The following ANO10 variants were observed in gnomAD, a reference collection of about 807,000 sequenced individuals.
The protein encoded by ANO10 is anoctamin-10.
A neutral mutation model predicts 74.7 loss-of-function variants in ANO10; 77 were observed. The ratio of observed to expected loss-of-function variants is 1.03; its 90% CI spans 0.86 to 1.25. The LOEUF (loss-of-function observed/expected upper bound fraction) is 1.25, where lower values mean the gene tolerates loss of function less well. ANO10 is among the 50% of genes most tolerant of loss of function. ANO10 has a pLI of 0.00. For missense variants in ANO10, 721 were observed against 778.1 expected (o/e 0.93, Z 0.87); for synonymous variants, 279 against 284.9 (o/e 0.98, Z 0.21).
At chr3:43,395,067 G>A (rs2092352330) in intron 12 of ANO10, among the ~76,000 whole-genome samples, 1 of 152,112 alleles carries the variant, frequency 6.6e-6, no homozygotes, top group Non-Finnish European at 1.5e-5. Flanking sequence ...GAGGTGAGAG[G>A]GAAGAGGGTG....
intron 1 of ANO10, among the ~76,000 whole-genome samples, chr3:43,621,391 G>A (rs139366268): frequency 1.4e-4 from 22 of 152,238 alleles, no homozygotes; most frequent in African/African-American, 5.3e-4. Flanking sequence ...TATCCTGCAA[G>A]CCCGCTCCGG....
intron 6 of ANO10, among the ~76,000 whole-genome samples, chr3:43,575,701 G>A (rs1271744159): frequency 6.6e-6 from 1 of 151,878 alleles, no homozygotes; most frequent in Non-Finnish European, 1.5e-5. Context: ...GCAGTGGCAC[G>A]ATCTCGGCTC....
rs1575515472 is a variant in ANO10, at chr3:43,597,726, C to A, written c.472+806G>T. ...TGTATACATATGTAACAAACTGGCA[C>A]ATTGTGCACATGTACCCTAGAACTT... is the stretch of plus-strand genomic sequence containing the variant. On this transcript the variant is annotated intron_variant, in intron 4 of 12. Coordinates refer to ENST00000292246, the MANE Select transcript of ANO10 (RefSeq NM_018075.5). Among the ~76,000 whole-genome samples the A allele has an allele frequency of 4.6e-5, 7 of 152,132 alleles. No individual in the cohort carries two copies. The South Asian group carries it at 1.0e-3, about 23-fold the overall frequency.
At chr3:43,424,402 T>TG (rs1349122313) in intron 12 of ANO10, 1 of 152,258 alleles carries the variant, frequency 6.6e-6, no homozygotes, top group African/African-American at 2.4e-5. Flanking sequence ...ACTCCTTTCT[T>TG]GCCTGGGAGC....
chr3:43,631,750 G>T (rs904720916), intron 1 of ANO10, among the ~76,000 whole-genome samples: 3 of 147,536 alleles, frequency 2.0e-5, no homozygotes, highest in Admixed American at 1.4e-4. Context: ...AAAAGAAAGT[G>T]CTTATAAAAA....
intron 10 of ANO10, among the ~76,000 whole-genome samples, chr3:43,552,374 C>T (rs2079504597): frequency 6.6e-6 from 1 of 151,440 alleles, no homozygotes; most frequent in Admixed American, 6.6e-5. Context: ...GAGCCCATGC[C>T]TACAAAAAAT....
chr3:43,431,650 G>A (rs2092983044), intron 12 of ANO10, among the ~76,000 whole-genome samples: 1 of 152,018 alleles, frequency 6.6e-6, no homozygotes, highest in Admixed American at 6.6e-5. Context: ...CACCTACTGT[G>A]TGGCAAACAT....
At chr3:43,385,600 T>C (rs1307584535) in intron 12 of ANO10, among the ~76,000 whole-genome samples, 2 of 152,138 alleles carry the variant, frequency 1.3e-5, no homozygotes, top group Non-Finnish European at 2.9e-5. Flanking sequence ...AATAATGGCA[T>C]CCGCAGCGAC....
rs75480596 is a variant in ANO10 at position 43,504,481 on chromosome 3, T to C, written c.1797+45239A>G. On this transcript the variant is annotated intron_variant, in intron 11 of 12. Transcript: ENST00000292246. ...TAACAATTACGAAACAGATGGGCAATGTAATTGGTACCTAGCTGATTGCAA... is the reference window on the plus strand; with the variant it reads ...TAACAATTACGAAACAGATGGGCAACGTAATTGGTACCTAGCTGATTGCAA... Among the ~76,000 whole-genome samples, 283 of 152,126 alleles carry C rather than the reference T, an allele frequency of 1.9e-3. 1 individual carries two copies. Among genetic ancestry groups the C allele is most frequent in the Non-Finnish European group, 2.5e-3 (170 of 68,000 alleles).
intron 4 of ANO10, among the ~76,000 whole-genome samples, chr3:43,588,121 A>T (rs554138571): frequency 2.0e-5 from 3 of 152,336 alleles, no homozygotes; most frequent in East Asian, 3.9e-4. Flanking sequence ...TACACATAGT[A>T]ATAGAACAAA....
At chr3:43,607,631 A>G (rs1243607738) in intron 1 of ANO10, among the ~76,000 whole-genome samples, 1 of 152,254 alleles carries the variant, frequency 6.6e-6, no homozygotes, top group African/African-American at 2.4e-5. Context: ...ACTAAATTCT[A>G]GGTTTGCATC....
intron 1 of ANO10, among the ~76,000 whole-genome samples, chr3:43,680,723 C>T (rs2084184948): frequency 6.6e-6 from 1 of 152,242 alleles, no homozygotes; most frequent in South Asian, 2.1e-4. Context: ...ATCAGATTAA[C>T]AGCTGATCTC....
chr3:43,376,841 C>T (rs183616499), intron 12 of ANO10, among the ~76,000 whole-genome samples: 2 of 152,216 alleles, frequency 1.3e-5, no homozygotes, highest in South Asian at 2.1e-4. Flanking sequence ...AACAGAAATG[C>T]GAAGAGGAGA....
intron 11 of ANO10, among the ~76,000 whole-genome samples, chr3:43,542,895 G>A (rs1258377536): frequency 6.6e-6 from 1 of 152,212 alleles, no homozygotes; most frequent in East Asian, 1.9e-4. Flanking sequence ...CGCCTTGTGA[G>A]AGTGGTAACA....
chr3:43,605,829 C>G lies in ANO10; in HGVS notation c.24G>C (p.Leu8Phe), dbSNP rs760258515. The change falls in exon 2 of 13, where the codon TTG (leucine) becomes TTC (phenylalanine). Residue 8 changes from leucine to phenylalanine, a missense_variant. Coordinates refer to ENST00000292246, the MANE Select transcript of ANO10 (RefSeq NM_018075.5). ...GTGTGAAAGAACTCTCAGAAGTATC[C>G]AAAGCTGATAAGGTCACTTTCATCT... is the stretch of plus-strand genomic sequence containing the variant. MKVTLSA[L>F]DTSESSFTPL... The G allele has an allele frequency of 1.9e-6, 3 of 1,613,556 alleles. No individual in the cohort carries two copies. Among genetic ancestry groups the G allele is most frequent in the South Asian group, 1.1e-5 (1 of 91,066 alleles).
At chr3:43,586,539 T>C (rs1320387274) in intron 4 of ANO10, among the ~76,000 whole-genome samples, 4 of 151,778 alleles carry the variant, frequency 2.6e-5, no homozygotes, top group Non-Finnish European at 2.9e-5. Context: ...CATTAAAACA[T>C]AAGTAATAAA....
chr3:43,420,911 A>C (rs1332156316), intron 12 of ANO10, among the ~76,000 whole-genome samples: 1 of 152,244 alleles, frequency 6.6e-6, no homozygotes, highest in Non-Finnish European at 1.5e-5. Context: ...TGATGCCAAC[A>C]GTATAATCTT....
At chr3:43,562,455 C>CAAACAAAAAAA (rs1462578451) in intron 8 of ANO10, among the ~76,000 whole-genome samples, 7 of 69,958 alleles carry the variant, frequency 1.0e-4, no homozygotes, top group Non-Finnish European at 1.5e-4. Flanking sequence ...CTGTCTCAAA[C>CAAACAAAAAAA]AAAAAAAAAA....
At chr3:43,505,373 G>A (rs930306262) in intron 11 of ANO10, among the ~76,000 whole-genome samples, 3 of 152,174 alleles carry the variant, frequency 2.0e-5, no homozygotes, top group Non-Finnish European at 2.9e-5. Context: ...TTTTTCTGCT[G>A]AGCATGAGGA....
Sources: allele counts gnomAD v4.1 joint callset (sites outside exome capture counted in the v4.1 genomes callset), GRCh38; gene constraint gnomAD v4.1.1; transcripts MANE v1.5; gene names NCBI Gene and HGNC (gene_info 2026-07-23, HGNC 2026-07-21).